The following CERS6 variants were observed in gnomAD, a reference collection of about 807,000 sequenced individuals.
CERS6 encodes the protein LAG1 homolog, ceramide synthase 6.
A neutral mutation model predicts 56.8 loss-of-function variants in CERS6; 26 were observed. That is an observed-to-expected ratio of 0.46 (90% confidence interval 0.34 to 0.63). The LOEUF (loss-of-function observed/expected upper bound fraction) is 0.63, where lower values mean the gene tolerates loss of function less well. Among genes scored for constraint, CERS6 ranks in the 30% least tolerant of loss-of-function variants. CERS6 has a pLI of 0.01. For synonymous variants in CERS6, 164 were observed against 173.3 expected (o/e 0.95, Z 0.42); for missense variants, 415 against 467.5 (o/e 0.89, Z 1.04).
intron 4 of CERS6, among the ~76,000 whole-genome samples, chr2:168,690,368 C>A (rs1012775443): frequency 6.6e-6 from 1 of 152,100 alleles, no homozygotes; most frequent in Admixed American, 6.6e-5. Flanking sequence ...TGAATTCATA[C>A]CAACCCCTCC....
chr2:168,537,711 C>T (rs1012023315), intron 1 of CERS6, among the ~76,000 whole-genome samples: 5 of 152,174 alleles, frequency 3.3e-5, no homozygotes, highest in Admixed American at 1.3e-4. Context: ...ATACTCACTT[C>T]CCAGGTGATT....
chr2:168,638,727 A>C (rs936352173), intron 4 of CERS6, among the ~76,000 whole-genome samples: 1 of 152,210 alleles, frequency 6.6e-6, no homozygotes, highest in African/African-American at 2.4e-5. Flanking sequence ...TGTAAAGAGC[A>C]TTGAGAAGCC....
intron 2 of CERS6, among the ~76,000 whole-genome samples, chr2:168,550,728 C>T (rs1387721637): frequency 1.3e-5 from 2 of 152,216 alleles, no homozygotes; most frequent in African/African-American, 4.8e-5. Context: ...GATGAAGGAC[C>T]TTCAAGTGCA....
intron 6 of CERS6, among the ~76,000 whole-genome samples, chr2:168,706,360 A>G (rs2105378291): frequency 6.6e-6 from 1 of 152,362 alleles, no homozygotes; most frequent in Admixed American, 6.5e-5. Flanking sequence ...AATAATTCAC[A>G]GTAGACAAGA....
intron 6 of CERS6, among the ~76,000 whole-genome samples, chr2:168,703,351 G>A (rs558374241): frequency 9.9e-5 from 15 of 152,276 alleles, no homozygotes; most frequent in Admixed American, 7.2e-4. Flanking sequence ...GAGGTCAGGA[G>A]TTCGAGACCA....
In CERS6 at chr2:168,505,382, CAAAAAAA is replaced by C. The variant is rs370477008; in HGVS notation, c.171-42201_171-42195del. Among the ~76,000 whole-genome samples the C allele has an allele frequency of 3.3e-4, 32 of 96,382 alleles. 1 individual carries two copies. The East Asian group carries it at 4.7e-3, about 14-fold the overall frequency. 63.2% of individuals were successfully genotyped at this position (96,382 alleles called of 152,430 possible). A position where few individuals can be genotyped will look rare whatever the true frequency, so the allele number is the denominator to read the frequency against. ...GGGCAACAGAGTGAGACCCTGTTTC[CAAAAAAA>C]AAAAAAAAAAAAGAAAAAAAAAGAA... On this transcript the variant is annotated intron_variant, in intron 1 of 9. Coordinates refer to ENST00000305747, the MANE Select transcript of CERS6 (RefSeq NM_203463.3).
At chr2:168,593,889 A>G (rs1055425202) in intron 3 of CERS6, among the ~76,000 whole-genome samples, 3 of 152,230 alleles carry the variant, frequency 2.0e-5, no homozygotes, top group Admixed American at 2.0e-4. Flanking sequence ...TGCCAGGCAA[A>G]CTTGAACCAG....
At chr2:168,566,498 A>G (rs1695885741) in intron 3 of CERS6, among the ~76,000 whole-genome samples, 1 of 152,170 alleles carries the variant, frequency 6.6e-6, no homozygotes, top group Non-Finnish European at 1.5e-5. Context: ...TTGTGATTCC[A>G]TTGAACACGA....
intron 4 of CERS6, among the ~76,000 whole-genome samples, chr2:168,642,307 A>T (rs1168524291): frequency 1.3e-5 from 2 of 152,184 alleles, no homozygotes; most frequent in Non-Finnish European, 2.9e-5. Context: ...GTGCCACTGC[A>T]CTCCAGCCTG....
At chr2:168,571,288 G>A (rs542620593) in intron 3 of CERS6, among the ~76,000 whole-genome samples, 13 of 151,968 alleles carry the variant, frequency 8.6e-5, no homozygotes, top group South Asian at 2.1e-4. Flanking sequence ...CTGGCTATTC[G>A]CCTTGCGGTT....
chr2:168,728,250 C>T (rs1683406881), intron 8 of CERS6, among the ~76,000 whole-genome samples: 1 of 152,094 alleles, frequency 6.6e-6, no homozygotes, highest in South Asian at 2.1e-4. Context: ...TGCCAACTCT[C>T]TGGCTAAGCC....
At chr2:168,499,464 G>T (rs940712139) in intron 1 of CERS6, among the ~76,000 whole-genome samples, 2 of 152,194 alleles carry the variant, frequency 1.3e-5, no homozygotes, top group Non-Finnish European at 2.9e-5. Context: ...GGTTTGCAAG[G>T]TGGATCCAAA....
rs577252938 is a variant in CERS6 at position 168,602,413 on chromosome 2, G to A, written c.408-28572G>A. On this transcript the variant is annotated intron_variant, in intron 3 of 9. Transcript: ENST00000305747. ...TAATGATGTTGGCCCATTGATAGAAGCAATAGCTTTAATCCAAGTCTTTAT... is the reference window on the plus strand; with the variant it reads ...TAATGATGTTGGCCCATTGATAGAAACAATAGCTTTAATCCAAGTCTTTAT... Among the ~76,000 whole-genome samples, 8 of 152,256 alleles carry A rather than the reference G, an allele frequency of 5.3e-5. No individual in the cohort carries two copies. The South Asian group carries it at 1.2e-3, about 24-fold the overall frequency.
At chr2:168,694,742 T>C (rs1189743643) in intron 5 of CERS6, among the ~76,000 whole-genome samples, 2 of 152,196 alleles carry the variant, frequency 1.3e-5, no homozygotes, top group African/African-American at 4.8e-5. Context: ...TGCTAATTAA[T>C]GCTTTTTGAG....
At chr2:168,553,344 G>A (rs1394736428) in intron 2 of CERS6, among the ~76,000 whole-genome samples, 1 of 152,088 alleles carries the variant, frequency 6.6e-6, no homozygotes, top group African/African-American at 2.4e-5. Context: ...TAAGATAAAT[G>A]GAGGTTTATT....
chr2:168,488,411 A>G (rs1445558895), intron 1 of CERS6, among the ~76,000 whole-genome samples: 1 of 152,168 alleles, frequency 6.6e-6, no homozygotes, highest in Admixed American at 6.5e-5. Context: ...TTATTATATG[A>G]CGTAGTTTCT....
chr2:168,588,827 C>T (rs1374626726), intron 3 of CERS6, among the ~76,000 whole-genome samples: 1 of 152,210 alleles, frequency 6.6e-6, no homozygotes, highest in Non-Finnish European at 1.5e-5. Context: ...CAACCTCCAC[C>T]TCCCGGGTTC....
At chr2:168,491,700 T>A (rs1346352301) in intron 1 of CERS6, among the ~76,000 whole-genome samples, 1 of 152,088 alleles carries the variant, frequency 6.6e-6, no homozygotes, top group Non-Finnish European at 1.5e-5. Context: ...GTTACATAGG[T>A]ATACACGTGC....
chr2:168,486,960 G>C (rs1041358455), intron 1 of CERS6, among the ~76,000 whole-genome samples: 3 of 152,108 alleles, frequency 2.0e-5, no homozygotes, highest in African/African-American at 7.2e-5. Flanking sequence ...TCCACTTAAT[G>C]ATTTTTTTTT....
Sources: gnomAD v4.1 joint callset for allele counts (sites outside exome capture counted in the v4.1 genomes callset) on GRCh38, gnomAD v4.1.1 for gene constraint, MANE v1.5 for transcripts, NCBI Gene and HGNC (gene_info 2026-07-23, HGNC 2026-07-21) for gene names.